Variants in CNKSR2 observed in about 807,000 individuals in gnomAD.
CNKSR2 encodes connector enhancer of kinase suppressor of Ras 2.
In CNKSR2, 14 loss-of-function variants were observed where a neutral mutation model predicts 84.4. The ratio of observed to expected loss-of-function variants is 0.17; its 90% confidence interval spans 0.11 to 0.26. CNKSR2 has a LOEUF of 0.26. Among genes scored for constraint, CNKSR2 ranks in the 10% least tolerant of loss-of-function variants. The pLI is 1.00. For synonymous variants in CNKSR2, 275 were observed against 277.9 expected, an observed-to-expected ratio of 0.99 and a Z score of 0.10; for missense variants, 485 against 771.2, an observed-to-expected ratio of 0.63 and a Z score of 4.40.
intron 13 of CNKSR2, among the ~76,000 whole-genome samples, chrX:21,580,896 G>T (rs190950432): frequency 9.0e-6 from 1 of 111,378 alleles, no homozygotes; most frequent in South Asian, 3.7e-4. Flanking sequence ...AAATTTCAAC[G>T]GTTTCTGTCA....
rs181178719 is a variant in CNKSR2 at position 21,624,773 on chromosome X, C to T, written c.2692+15156C>T. 3.6e-5 allele frequency among the ~76,000 whole-genome samples: 4 copies of T among 112,050 alleles called. No individual in the cohort carries two copies. In the East Asian group the frequency reaches 1.1e-3, roughly 31 times the overall value. On this transcript the variant is annotated intron_variant, in intron 20 of 21. Coordinates refer to ENST00000379510, the MANE Select transcript of CNKSR2 (RefSeq NM_014927.5). Reference sequence around the variant, plus strand: ...CCCTAAGTTTTCTATCATGATTGTTCCAAAAGGTAGAATTATGATGTATTA... The same window carrying T: ...CCCTAAGTTTTCTATCATGATTGTTTCAAAAGGTAGAATTATGATGTATTA...
chrX:21,422,843 A>G (rs12853542), intron 1 of CNKSR2, among the ~76,000 whole-genome samples: 6 of 111,619 alleles, frequency 5.4e-5, no homozygotes, highest in Admixed American at 9.5e-5. Context: ...TCTCATAAGT[A>G]TATACAGTTA....
intron 2 of CNKSR2, chrX:21,428,734 T>C (rs1310447046): frequency 3.6e-5 from 4 of 111,292 alleles, no homozygotes; most frequent in Admixed American, 2.9e-4. Context: ...ATAAGAACAG[T>C]TTTCATTTCA....
At chrX:21,485,851 G>A (rs1264633166) in intron 5 of CNKSR2, among the ~76,000 whole-genome samples, 6 of 111,688 alleles carry the variant, frequency 5.4e-5, no homozygotes, top group African/African-American at 2.0e-4. Context: ...AAATACCTCG[G>A]GGGCTGGGTG....
At chrX:21,652,210 T>C in intron 21 of CNKSR2, 96 bp from the exon 22 acceptor site, 2 of 687,973 alleles carry the variant, frequency 2.9e-6, no homozygotes, top group South Asian at 5.5e-5. Context: ...AGCCATCTCC[T>C]ATGGGCTTCT....
At chrX:21,507,383 A>G (rs1230788238) in intron 8 of CNKSR2, among the ~76,000 whole-genome samples, 1 of 111,370 alleles carries the variant, frequency 9.0e-6, no homozygotes, top group Non-Finnish European at 1.9e-5. Context: ...AATGGTATAT[A>G]GAATTCACTA....
chrX:21,620,616 C>T (rs2092597729), intron 20 of CNKSR2, among the ~76,000 whole-genome samples: 1 of 111,360 alleles, frequency 9.0e-6, no homozygotes, highest in Admixed American at 9.6e-5. Context: ...AAGAGCCTTA[C>T]TTACAGAGTT....
chrX:21,635,479 A>AATATATGTATATGTGTATATATGT (rs1262242233), intron 20 of CNKSR2, among the ~76,000 whole-genome samples: 1 of 100,536 alleles, frequency 9.9e-6, no homozygotes, highest in East Asian at 3.0e-4. Context: ...TGTATATATA[A>AATATATGTATATGTGTATATATGT]ATATATGTAT....
At chrX:21,581,369 T>C (rs956885745) in intron 13 of CNKSR2, among the ~76,000 whole-genome samples, 1 of 112,017 alleles carries the variant, frequency 8.9e-6, no homozygotes, top group Non-Finnish European at 1.9e-5. Flanking sequence ...GACTGAAATA[T>C]GAACTGAAAG....
At chrX:21,651,975 A>G (rs1310361085) in intron 21 of CNKSR2, among the ~76,000 whole-genome samples, 1 of 112,469 alleles carries the variant, frequency 8.9e-6, no homozygotes, top group Non-Finnish European at 1.9e-5. Context: ...AGGGGCATAA[A>G]TGAGGGAGAA....
chrX:21,418,442 T>C lies in CNKSR2; in HGVS notation c.65-8055T>C, dbSNP rs760347402. Among the ~76,000 whole-genome samples, 5 of 112,211 alleles carry C rather than the reference T, an allele frequency of 4.5e-5. No individual in the cohort carries two copies. In the South Asian group the frequency reaches 1.8e-3, roughly 41 times the overall value. On this transcript the variant is annotated intron_variant, in intron 1 of 21. Coordinates refer to ENST00000379510, the MANE Select transcript of CNKSR2 (RefSeq NM_014927.5). ...CTCATAAATGTCCTTTTCTTTCTGA[T>C]TGAAGTACTTCCTTTAGCATTTCTT...
At chrX:21,477,482 T>G (rs1319972555) in intron 5 of CNKSR2, among the ~76,000 whole-genome samples, 1 of 111,424 alleles carries the variant, frequency 9.0e-6, no homozygotes, top group Non-Finnish European at 1.9e-5. Flanking sequence ...TTTGGCATGT[T>G]AAGTATTTGT....
intron 13 of CNKSR2, among the ~76,000 whole-genome samples, chrX:21,578,581 C>A (rs1271476574): frequency 9.9e-6 from 1 of 101,349 alleles, no homozygotes; most frequent in Non-Finnish European, 2.0e-5. Flanking sequence ...TTAAATCACA[C>A]GTTGTATATA....
intron 5 of CNKSR2, among the ~76,000 whole-genome samples, chrX:21,488,149 C>G (rs1268456910): frequency 9.0e-6 from 1 of 111,704 alleles, no homozygotes; most frequent in African/African-American, 3.2e-5. Context: ...CTAGACTAAC[C>G]AGTGTAGTTA....
At chrX:21,441,318 A>T (rs187328785) in intron 4 of CNKSR2, 20 of 111,153 alleles carry the variant, frequency 1.8e-4, no homozygotes, top group African/African-American at 6.5e-4. Flanking sequence ...ATCTCTTTTC[A>T]GTACCAAGTT....
intron 5 of CNKSR2, among the ~76,000 whole-genome samples, chrX:21,477,987 T>C (rs1400173549): frequency 1.8e-5 from 2 of 111,913 alleles, no homozygotes; most frequent in Non-Finnish European, 3.8e-5. Flanking sequence ...TTGATCCAAA[T>C]GCAAACTGAA....
At chrX:21,642,114 G>A (rs927322970) in intron 20 of CNKSR2, 7 of 745,907 alleles carry the variant, frequency 9.4e-6, no homozygotes, top group African/African-American at 2.3e-5. Flanking sequence ...AAAACTTGAC[G>A]TGCTGTATTG....
In CNKSR2 at chrX:21,426,730, TC is replaced by T. The variant is rs757306437; in HGVS notation, c.228+71del. 175 of 1,074,355 alleles carry T rather than the reference TC, an allele frequency of 1.6e-4. No homozygotes were observed. The African/African-American group carries it at 3.1e-3, about 19-fold the overall frequency. 88.5% of individuals were successfully genotyped at this position (1,074,355 alleles called of 1,213,427 possible). A position where few individuals can be genotyped will look rare whatever the true frequency, so the allele number is the denominator to read the frequency against. On this transcript the variant is annotated intron_variant, in intron 2 of 21. Transcript: ENST00000379510. ...CTTTTGTTGCTTTTCCCTTTTTTCT[TC>T]TCCTCTTTTGATAATCGAAATGCAA...
At chrX:21,466,430 C>T (rs2091128731) in intron 4 of CNKSR2, among the ~76,000 whole-genome samples, 1 of 111,135 alleles carries the variant, frequency 9.0e-6, no homozygotes, top group Non-Finnish European at 1.9e-5. Flanking sequence ...TAAATAAACC[C>T]CCCCAAAGTA....
Sources: allele counts gnomAD v4.1 joint callset (sites outside exome capture counted in the v4.1 genomes callset), GRCh38; gene constraint gnomAD v4.1.1; transcripts MANE v1.5; gene names NCBI Gene and HGNC (gene_info 2026-07-23, HGNC 2026-07-21).